PHF24: variants seen among roughly 807,000 people sequenced by gnomAD.
PHF24 encodes Galpha inhibitory interacting protein.
In PHF24, 25 loss-of-function variants were observed where a neutral mutation model predicts 42.6. The observed-to-expected ratio is 0.59, with a 90% CI of 0.43 to 0.82. PHF24 has a LOEUF of 0.82. Ranked by LOEUF, PHF24 falls within the 40% of genes least tolerant of loss-of-function variation. The pLI, the probability that PHF24 is intolerant of heterozygous loss-of-function variation, is 0.00. For missense variants in PHF24, 470 were observed against 538.1 expected, an observed-to-expected ratio of 0.87 and a Z score of 1.25; for synonymous variants, 185 against 204.8, an observed-to-expected ratio of 0.90 and a Z score of 0.83.
At chr9:34,692,051 A>T in the PHF24 span, among the ~76,000 whole-genome samples, 1 of 152,104 alleles carries the variant, frequency 6.6e-6, no homozygotes, top group Non-Finnish European at 1.5e-5. Flanking sequence ...AATTTCAAGG[A>T]ATCGGCCGAT....
At chr9:34,837,508 T>C in the PHF24 span, 1 of 620,906 alleles carries the variant, frequency 1.6e-6, no homozygotes, top group South Asian at 2.0e-5. Context: ...CAAGGTAAGA[T>C]TTCCCACCCA....
the PHF24 span, among the ~76,000 whole-genome samples, chr9:34,749,660 G>T: frequency 6.6e-6 from 1 of 150,516 alleles, no homozygotes; most frequent in Non-Finnish European, 1.5e-5. Flanking sequence ...GAATGTGCAG[G>T]TTTGTTACAT....
At chr9:34,709,901 C>T in the PHF24 span, 3 of 1,614,180 alleles carry the variant, frequency 1.9e-6, no homozygotes, top group Non-Finnish European at 2.5e-6. Context: ...TCACTGCCTG[C>T]AGGGTGGGAT....
At chr9:34,887,768 T>A in the PHF24 span, among the ~76,000 whole-genome samples, 2 of 152,306 alleles carry the variant, frequency 1.3e-5, no homozygotes, top group Non-Finnish European at 2.9e-5. Context: ...TGTTTTTTAT[T>A]TATACTTCTT....
the PHF24 span, among the ~76,000 whole-genome samples, chr9:34,880,889 A>G: frequency 1.3e-5 from 2 of 152,198 alleles, no homozygotes; most frequent in African/African-American, 2.4e-5. Flanking sequence ...TCCACCCCAA[A>G]TCAACAGAAT....
At chr9:34,922,557 T>A in the PHF24 span, 4 of 975,486 alleles carry the variant, frequency 4.1e-6, no homozygotes, top group Non-Finnish European at 6.7e-6. Context: ...GTGATCTCCT[T>A]TCATTTTCAA....
At chr9:34,978,302 A>T in exon 8 of PHF24, 2 of 551,948 alleles carry the variant, frequency 3.6e-6, no homozygotes, top group Non-Finnish European at 6.6e-6. Flanking sequence ...GCATTGCCAC[A>T]AGGAGAAGCC....
the PHF24 span, chr9:34,666,232 G>C: frequency 7.5e-5 from 12 of 161,056 alleles, no homozygotes; most frequent in African/African-American, 2.4e-4. Context: ...TGTCAGGTCA[G>C]GTTTTGGAGC....
At chr9:34,754,831 G>T in the PHF24 span, among the ~76,000 whole-genome samples, 1 of 152,242 alleles carries the variant, frequency 6.6e-6, no homozygotes, top group East Asian at 1.9e-4. Flanking sequence ...ACTTGATAAA[G>T]CAAATATGGT....
At chr9:34,670,541 C>T in the PHF24 span, among the ~76,000 whole-genome samples, 4 of 152,226 alleles carry the variant, frequency 2.6e-5, no homozygotes, top group African/African-American at 4.8e-5. Flanking sequence ...CACAACTCTC[C>T]GCAGTAGACT....
chr9:34,770,981 C>T, the PHF24 span, among the ~76,000 whole-genome samples: 9 of 152,102 alleles, frequency 5.9e-5, no homozygotes, highest in African/African-American at 2.2e-4. Flanking sequence ...AGCATTGTGG[C>T]GCATGACTGT....
the PHF24 span, among the ~76,000 whole-genome samples, chr9:34,743,266 G>C: frequency 2.0e-4 from 31 of 152,178 alleles, no homozygotes; most frequent in Non-Finnish European, 7.3e-5. Flanking sequence ...GTTACAATTT[G>C]ACAAAGTAGT....
the PHF24 span, among the ~76,000 whole-genome samples, chr9:34,919,434 G>A: frequency 6.6e-6 from 1 of 151,998 alleles, no homozygotes; most frequent in Non-Finnish European, 1.5e-5. Flanking sequence ...GCACCCATTA[G>A]CGAACCTCTG....
the PHF24 span, chr9:34,889,099 G>T: frequency 2.5e-6 from 1 of 398,564 alleles, no homozygotes; most frequent in Non-Finnish European, 4.4e-6. Flanking sequence ...TTTGGAGAAT[G>T]CCCTGCTTCA....
the PHF24 span, among the ~76,000 whole-genome samples, chr9:34,920,149 C>T: frequency 6.6e-6 from 1 of 152,170 alleles, no homozygotes. Flanking sequence ...TCCATAGTGG[C>T]TGTACTAATT....
the PHF24 span, chr9:34,835,501 G>T: frequency 1.3e-6 from 2 of 1,551,918 alleles, no homozygotes; most frequent in African/African-American, 2.7e-5. Flanking sequence ...TCCGGTTCAG[G>T]GTTTCTGGGT....
At chr9:34,739,800 G>A in the PHF24 span, among the ~76,000 whole-genome samples, 1 of 152,132 alleles carries the variant, frequency 6.6e-6, no homozygotes, top group African/African-American at 2.4e-5. Flanking sequence ...GCTGGCTGGG[G>A]CAGCCTGCTT....
the PHF24 span, among the ~76,000 whole-genome samples, chr9:34,863,466 G>C: frequency 1.3e-5 from 2 of 151,174 alleles, no homozygotes. Flanking sequence ...CATTTATTTG[G>C]GAGAAAGTAA....
chr9:34,713,915 G>A, the PHF24 span, among the ~76,000 whole-genome samples: 1 of 152,140 alleles, frequency 6.6e-6, no homozygotes, highest in African/African-American at 2.4e-5. Context: ...TGAGTGTCAG[G>A]AGAGATGTAG....
Sources: allele counts gnomAD v4.1 joint callset (sites outside exome capture counted in the v4.1 genomes callset), GRCh38; gene constraint gnomAD v4.1.1; transcripts MANE v1.5; gene names NCBI Gene and HGNC (gene_info 2026-07-23, HGNC 2026-07-21).